Variants in LAMC1 observed in about 807,000 individuals in gnomAD.
LAMC1 encodes laminin subunit gamma 1.
LAMC1 carries 38 observed loss-of-function variants against 173.6 expected under a neutral mutation model. The ratio of observed to expected loss-of-function variants is 0.22; its 90% confidence interval spans 0.17 to 0.29. The LOEUF (loss-of-function observed/expected upper bound fraction) is 0.29. Among genes scored for constraint, LAMC1 ranks in the 10% least tolerant of loss-of-function variants. LAMC1 has a pLI of 1.00. For synonymous variants in LAMC1, 746 were observed against 749.1 expected (o/e 1.00, Z 0.07); for missense variants, 1,824 against 2,051.8 (o/e 0.89, Z 2.14).
chr1:183,043,739 AT>A (rs1246531154), intron 1 of LAMC1, among the ~76,000 whole-genome samples: 1 of 152,152 alleles, frequency 6.6e-6, no homozygotes, highest in Non-Finnish European at 1.5e-5. Flanking sequence ...CATCCGTTCA[AT>A]TTTTGTTGTT....
chr1:183,023,850 G>T lies in LAMC1; in HGVS notation c.134G>T (p.Gly45Val). ...ATGGACGAGTGCACGGACGAGGGCG[G>T]GCGGCCGCAGCGCTGCATGCCCGAG... ...AAMDECTDEG[G>V]RPQRCMPEFV... Residue 45 changes from glycine (G) to valine (V), a missense_variant, in exon 1 of 28, where the codon GGG becomes GTG. Transcript: ENST00000258341. 1 of 1,608,078 alleles carries T rather than the reference G, an allele frequency of 6.2e-7. No individual in the cohort carries two copies. Among genetic ancestry groups the T allele is most frequent in the Non-Finnish European group, 8.5e-7 (1 of 1,177,090 alleles).
intron 24 of LAMC1, among the ~76,000 whole-genome samples, chr1:183,135,435 C>A (rs1031136273): frequency 2.0e-5 from 3 of 152,060 alleles, no homozygotes; most frequent in African/African-American, 7.2e-5. Flanking sequence ...CTTTCATTTT[C>A]TCTGCCAGTG....
At position 183,116,664 on chromosome 1, in the gene LAMC1, C is replaced by T. The variant is rs1344643829; in HGVS notation, c.1416C>T (p.Phe472=). The T allele has an allele frequency of 1.2e-6, 2 of 1,612,778 alleles. No homozygotes were observed. Among genetic ancestry groups the T allele is most frequent in the East Asian group, 4.5e-5 (2 of 44,866 alleles). ...TTTGCAAAGACAATGTCGAAGGCTT[C>T]AATTGTGAAAGGTAGTGCATTCTTT... ...RCVCKDNVEG[F]NCERCKPGFF... Residue 472 remains phenylalanine (F), a synonymous_variant, in exon 7 of 28, where the codon TTC becomes TTT. Coordinates refer to ENST00000258341, the MANE Select transcript of LAMC1 (RefSeq NM_002293.4).
chr1:183,124,561 G>A (rs1656568941), intron 13 of LAMC1, 70 bp from the exon 14 acceptor site: 2 of 1,560,592 alleles, frequency 1.3e-6, no homozygotes, highest in South Asian at 1.1e-5. Context: ...ATTACCTGTA[G>A]CCAGTGGTAA....
intron 1 of LAMC1, among the ~76,000 whole-genome samples, chr1:183,080,101 G>A (rs1571426883): frequency 1.3e-5 from 2 of 152,114 alleles, no homozygotes; most frequent in South Asian, 4.1e-4. Context: ...AAAATTAGCC[G>A]GGTGTGGTGG....
chr1:183,126,150 T>C lies in LAMC1; in HGVS notation c.2832T>C (p.Asn944=). Residue 944 remains asparagine, a synonymous_variant, in exon 16 of 28, where the codon AAT becomes AAC. Coordinates refer to ENST00000258341, the MANE Select transcript of LAMC1 (RefSeq NM_002293.4). ...RCDCHALGST[N]GQCDIRTGQC... ...ACTGCCATGCCTTGGGCTCCACCAA[T>C]GGGCAGTGTGACATCCGCACCGGCC... 6.2e-7 allele frequency: 1 copy of C among 1,614,176 alleles called. No homozygotes were observed. Among genetic ancestry groups the C allele is most frequent in the South Asian group, 1.1e-5 (1 of 91,090 alleles).
intron 1 of LAMC1, among the ~76,000 whole-genome samples, chr1:183,076,351 A>G (rs991206458): frequency 2.6e-5 from 4 of 152,116 alleles, no homozygotes; most frequent in African/African-American, 4.8e-5. Context: ...ATTTTGTCTA[A>G]TTGAGATTTG....
chr1:183,073,815 C>T (rs1409960430), intron 1 of LAMC1, among the ~76,000 whole-genome samples: 1 of 152,082 alleles, frequency 6.6e-6, no homozygotes, highest in Non-Finnish European at 1.5e-5. Context: ...ACAAGAGAAG[C>T]AGATACCCAA....
chr1:183,122,454 A>G (rs1411458279), intron 13 of LAMC1, among the ~76,000 whole-genome samples: 1 of 152,138 alleles, frequency 6.6e-6, no homozygotes, highest in African/African-American at 2.4e-5. Flanking sequence ...TCTGTCAACC[A>G]AGGGCTTTCA....
intron 1 of LAMC1, among the ~76,000 whole-genome samples, chr1:183,060,614 GT>G (rs780867023): frequency 6.6e-6 from 1 of 152,108 alleles, no homozygotes; most frequent in Non-Finnish European, 1.5e-5. Flanking sequence ...CTAACGATTT[GT>G]TTACATGTCT....
At chr1:183,102,700 C>G (rs897433564) in intron 1 of LAMC1, among the ~76,000 whole-genome samples, 11 of 152,148 alleles carry the variant, frequency 7.2e-5, no homozygotes, top group Admixed American at 4.6e-4. Context: ...TCCTTTCTCC[C>G]TTTGTCTTTT....
intron 1 of LAMC1, among the ~76,000 whole-genome samples, chr1:183,052,017 C>G: frequency 6.6e-6 from 1 of 152,116 alleles, no homozygotes; most frequent in Admixed American, 6.5e-5. Flanking sequence ...GATAAAAAAT[C>G]ATTCCTTTCA....
chr1:183,132,980 G>A (rs951054714), intron 21 of LAMC1, among the ~76,000 whole-genome samples: 4 of 151,990 alleles, frequency 2.6e-5, no homozygotes, highest in East Asian at 1.9e-4. Flanking sequence ...GCGCGATCTC[G>A]GCTCACTGCA....
chr1:183,033,847 C>A (rs1653905405), intron 1 of LAMC1, among the ~76,000 whole-genome samples: 1 of 152,036 alleles, frequency 6.6e-6, no homozygotes, highest in Admixed American at 6.6e-5. Context: ...ACACACACCA[C>A]CATGCCCTGC....
chr1:183,084,003 A>G (rs879415287), intron 1 of LAMC1, among the ~76,000 whole-genome samples: 8 of 152,184 alleles, frequency 5.3e-5, no homozygotes, highest in Non-Finnish European at 1.2e-4. Flanking sequence ...TTACTGGTTT[A>G]TATGTGGGAT....
chr1:183,134,832 T>A (rs1465090864), intron 23 of LAMC1, 23 bp downstream of exon 23: 1 of 1,607,344 alleles, frequency 6.2e-7, no homozygotes, highest in East Asian at 2.2e-5. Context: ...TGCAGGTCGC[T>A]TCATTTCTTG....
At chr1:183,039,317 C>T (rs1039998369) in intron 1 of LAMC1, among the ~76,000 whole-genome samples, 2 of 152,078 alleles carry the variant, frequency 1.3e-5, no homozygotes, top group Non-Finnish European at 2.9e-5. Context: ...ACTTGAATTG[C>T]TTTGGTCATG....
At position 183,142,885 on chromosome 1, in the gene LAMC1, C is replaced by T; in HGVS notation, c.*95C>T. 7.8e-7 allele frequency: 1 copy of T among 1,284,180 alleles called. No individual in the cohort carries two copies. Among genetic ancestry groups the T allele is most frequent in the Non-Finnish European group, 1.1e-6 (1 of 925,036 alleles). The allele number at this position is 1,284,180 out of a possible 1,614,324, so 79.5% of individuals were successfully genotyped here. A position where few individuals can be genotyped will look rare whatever the true frequency, so the allele number is the denominator to read the frequency against. On this transcript the variant is annotated 3_prime_UTR_variant, in exon 28 of 28. Coordinates refer to ENST00000258341, the MANE Select transcript of LAMC1 (RefSeq NM_002293.4). ...ACAAAGATTACATTTTTCAGACCCC[C>T]ACTCCTCTGCTGCTGTCCATGACTG...
intron 26 of LAMC1, chr1:183,138,138 TA>T (rs1656999910): frequency 6.0e-6 from 4 of 664,356 alleles, no homozygotes; most frequent in Non-Finnish European, 7.4e-6. Context: ...TAAATGTTAA[TA>T]AAAAAGGAAT....
Sources: gnomAD v4.1 joint callset for allele counts (sites outside exome capture counted in the v4.1 genomes callset) on GRCh38, gnomAD v4.1.1 for gene constraint, MANE v1.5 for transcripts, NCBI Gene and HGNC (gene_info 2026-07-23, HGNC 2026-07-21) for gene names.